Variants in OSCP1 observed in about 807,000 individuals in gnomAD.
The protein encoded by OSCP1 is organic solute carrier partner 1.
OSCP1 carries 35 observed loss-of-function variants against 45.1 expected under a neutral mutation model. That is an observed-to-expected ratio of 0.78 (90% confidence interval 0.59 to 1.03). The LOEUF (loss-of-function observed/expected upper bound fraction) is 1.03. OSCP1 is among the 50% of genes least tolerant of loss of function. The pLI is 0.00. For synonymous variants in OSCP1, 179 were observed against 180.1 expected (o/e 0.99, Z 0.05); for missense variants, 400 against 470.7 (o/e 0.85, Z 1.39).
chr1:36,428,253 C>T, intron 4 of OSCP1: 1 of 1,450,034 alleles, frequency 6.9e-7, no homozygotes, highest in East Asian at 2.5e-5. Flanking sequence ...ATTTATCTTC[C>T]TTTGTCCATG....
intron 8 of OSCP1, among the ~76,000 whole-genome samples, chr1:36,419,618 G>A (rs938674094): frequency 2.6e-5 from 4 of 152,166 alleles, no homozygotes; most frequent in Non-Finnish European, 5.9e-5. Context: ...TCTGTAAACT[G>A]TAAAGCACTA....
intron 4 of OSCP1, among the ~76,000 whole-genome samples, chr1:36,428,890 A>G (rs960359794): frequency 6.6e-6 from 1 of 152,180 alleles, no homozygotes; most frequent in Non-Finnish European, 1.5e-5. Context: ...GGTTGCAGTA[A>G]GCCGAGATTG....
At chr1:36,444,753 G>T (rs894943442) in intron 1 of OSCP1, among the ~76,000 whole-genome samples, 1 of 152,168 alleles carries the variant, frequency 6.6e-6, no homozygotes, top group Non-Finnish European at 1.5e-5. Flanking sequence ...AAGACTCTAT[G>T]GGTTGAAACC....
At chr1:36,432,673 T>C (rs1648453199) in intron 2 of OSCP1, 84 bp from the exon 3 acceptor site, 2 of 1,567,574 alleles carry the variant, frequency 1.3e-6, no homozygotes, top group East Asian at 2.2e-5. Flanking sequence ...CAGTCAAGCA[T>C]TTACTGAAAA....
intron 1 of OSCP1, 141 bp from the exon 2 acceptor site, chr1:36,439,051 A>G: frequency 6.1e-6 from 5 of 826,000 alleles, no homozygotes; most frequent in Non-Finnish European, 9.0e-6. Flanking sequence ...CAGCTCCCTG[A>G]GGGGACCACA....
At chr1:36,424,192 C>T (rs999645636) in intron 4 of OSCP1, among the ~76,000 whole-genome samples, 1 of 152,152 alleles carries the variant, frequency 6.6e-6, no homozygotes, top group African/African-American at 2.4e-5. Flanking sequence ...CTGCCTGCCT[C>T]GGCCTCCCAA....
chr1:36,449,952 C>T (rs16823026), intron 1 of OSCP1, among the ~76,000 whole-genome samples: 12,152 of 143,762 alleles, frequency 0.085, 552 homozygotes, highest in Middle Eastern at 0.17. Context: ...GGGACTCCTA[C>T]ATTTGGAAGG....
At chr1:36,421,243 G>C (rs1305234053) in intron 7 of OSCP1, among the ~76,000 whole-genome samples, 1 of 152,032 alleles carries the variant, frequency 6.6e-6, no homozygotes, top group East Asian at 1.9e-4. Flanking sequence ...CAGGCCCCAG[G>C]GTCCTGTCCA....
chr1:36,442,677 G>A (rs1649275285), intron 1 of OSCP1, among the ~76,000 whole-genome samples: 1 of 152,178 alleles, frequency 6.6e-6, no homozygotes, highest in Non-Finnish European at 1.5e-5. Flanking sequence ...TTTAGAGAGA[G>A]GCTAGGAAAC....
At chr1:36,423,823 A>C (rs964242397) in intron 4 of OSCP1, among the ~76,000 whole-genome samples, 1 of 152,124 alleles carries the variant, frequency 6.6e-6, no homozygotes, top group African/African-American at 2.4e-5. Flanking sequence ...GCAGTGAGCC[A>C]AGATCGTGCC....
intron 1 of OSCP1, among the ~76,000 whole-genome samples, chr1:36,446,524 T>A (rs892751554): frequency 1.3e-5 from 2 of 152,220 alleles, no homozygotes; most frequent in Non-Finnish European, 2.9e-5. Context: ...AGCAGGGGTC[T>A]CTGTAGTGCT....
At position 36,438,827 on chromosome 1, in the gene OSCP1, C is replaced by T. The variant is rs369020817; in HGVS notation, c.196G>A (p.Ala66Thr). 4.3e-6 allele frequency: 7 copies of T among 1,614,064 alleles called. No individual in the cohort carries two copies. The African/African-American group carries it at 9.3e-5, about 22-fold the overall frequency. The change falls in exon 2 of 10, where the codon GCC becomes ACC. Residue 66 changes from alanine (A) to threonine (T), a missense_variant. By Grantham distance (58) the Ala-to-Thr change is moderately conservative. Transcript: ENST00000235532. Reference protein sequence around the residue: ...FKPQELYSKKALRTVYERLAH... With the variant: ...FKPQELYSKKTLRTVYERLAH... The stretch of plus-strand genomic sequence containing the variant: ...AGGCGCTCATAGACAGTCCTCAGGG[C>T]CTTCTTGGAGTAGAGCTCTTGAGGC...
chr1:36,441,856 T>C (rs1649200511), intron 1 of OSCP1, among the ~76,000 whole-genome samples: 1 of 151,872 alleles, frequency 6.6e-6, no homozygotes, highest in Non-Finnish European at 1.5e-5. Flanking sequence ...AGTCTAAGTG[T>C]TGGTTTTTGG....
At chr1:36,434,531 C>T (rs1386691966) in intron 2 of OSCP1, among the ~76,000 whole-genome samples, 1 of 152,102 alleles carries the variant, frequency 6.6e-6, no homozygotes, top group East Asian at 1.9e-4. Flanking sequence ...GGGTGGATCA[C>T]CTGAGGTCAG....
At chr1:36,445,661 C>T (rs1414822456) in intron 1 of OSCP1, among the ~76,000 whole-genome samples, 3 of 152,192 alleles carry the variant, frequency 2.0e-5, no homozygotes, top group African/African-American at 7.2e-5. Context: ...TTGGCAGATA[C>T]TGTTTTCTTT....
chr1:36,418,917 A>C (rs933192268), intron 9 of OSCP1, 74 bp downstream of exon 9: 53 of 1,241,478 alleles, frequency 4.3e-5, no homozygotes, highest in Middle Eastern at 2.0e-4. Flanking sequence ...ACAGAGCGAG[A>C]CCCTGTCTCA....
chr1:36,418,513 T>C, intron 9 of OSCP1: 1 of 526,274 alleles, frequency 1.9e-6, no homozygotes, highest in South Asian at 2.2e-5. Flanking sequence ...AAGAAACAAC[T>C]TTAATTTGAG....
intron 1 of OSCP1, among the ~76,000 whole-genome samples, chr1:36,443,046 C>A (rs1389024845): frequency 6.6e-6 from 1 of 152,102 alleles, no homozygotes; most frequent in South Asian, 2.1e-4. Context: ...TCACTGCAAC[C>A]TCTGCCTCCC....
At chr1:36,438,937 G>A in intron 1 of OSCP1, 27 bp from the exon 2 acceptor site, 1 of 1,610,280 alleles carries the variant, frequency 6.2e-7, no homozygotes, top group South Asian at 1.1e-5. Flanking sequence ...GAACACAGCT[G>A]AGCAAAGTAC....
Sources: allele counts gnomAD v4.1 joint callset (sites outside exome capture counted in the v4.1 genomes callset), GRCh38; gene constraint gnomAD v4.1.1; transcripts MANE v1.5; gene names NCBI Gene and HGNC (gene_info 2026-07-23, HGNC 2026-07-21).